The following SEMA3E variants were observed in gnomAD, a reference collection of about 807,000 sequenced individuals.
The protein encoded by SEMA3E is semaphorin 3E, also known as semaphorin-3E.
Under a neutral mutation model 93.6 loss-of-function variants are expected in SEMA3E, and 49 were observed. The ratio of observed to expected loss-of-function variants is 0.52; its 90% CI spans 0.42 to 0.66. The LOEUF is 0.66. Ranked by LOEUF, SEMA3E falls within the 30% of genes least tolerant of loss-of-function variation. SEMA3E has a pLI of 0.00. For synonymous variants in SEMA3E, 363 were observed against 330.7 expected (o/e 1.10, Z -1.06); for missense variants, 906 against 964.8 (o/e 0.94, Z 0.81).
In SEMA3E at chr7:83,531,078, A is replaced by C. The variant is rs1791284808; in HGVS notation, c.116-40804T>G. On this transcript the variant is annotated intron_variant, in intron 1 of 16. Coordinates refer to ENST00000643230, the MANE Select transcript of SEMA3E (RefSeq NM_012431.3). The stretch of plus-strand genomic sequence containing the variant: ...TTAAGAAACAGAATGTAGTATTTGC[A>C]ATAGCATGAAAAGTTTTATCTTAGT... Among the ~76,000 whole-genome samples the C allele has an allele frequency of 1.3e-5, 2 of 152,120 alleles. 1 individual carries two copies. The highest frequency in any genetic ancestry group is 4.1e-4 in the South Asian group (2 of 4,830).
intron 1 of SEMA3E, among the ~76,000 whole-genome samples, chr7:83,550,095 A>G (rs1386356729): frequency 6.6e-6 from 1 of 152,234 alleles, no homozygotes; most frequent in Non-Finnish European, 1.5e-5. Context: ...AATATGTTAA[A>G]GAAACATCGT....
intron 1 of SEMA3E, among the ~76,000 whole-genome samples, chr7:83,565,313 T>C (rs1007569892): frequency 1.8e-4 from 27 of 152,152 alleles, no homozygotes; most frequent in African/African-American, 6.0e-4. Flanking sequence ...AAACACTGCA[T>C]GTTCTCACTC....
intron 1 of SEMA3E, among the ~76,000 whole-genome samples, chr7:83,606,184 A>T (rs1245566262): frequency 6.6e-6 from 1 of 152,208 alleles, no homozygotes; most frequent in Non-Finnish European, 1.5e-5. Flanking sequence ...CAAGCTGCAA[A>T]ATCTTTGTAA....
intron 1 of SEMA3E, among the ~76,000 whole-genome samples, chr7:83,572,468 G>A (rs555460404): frequency 6.6e-6 from 1 of 151,860 alleles, no homozygotes; most frequent in Non-Finnish European, 1.5e-5. Flanking sequence ...GTGAAACCCC[G>A]TCTCTACTAA....
At chr7:83,387,703 A>C (rs1269933576) in intron 14 of SEMA3E, among the ~76,000 whole-genome samples, 1 of 151,298 alleles carries the variant, frequency 6.6e-6, no homozygotes, top group Non-Finnish European at 1.5e-5. Flanking sequence ...TTTCCCCCTC[A>C]ATCTGCCTCG....
intron 2 of SEMA3E, among the ~76,000 whole-genome samples, chr7:83,470,437 G>A (rs1789867927): frequency 2.0e-5 from 3 of 151,996 alleles, no homozygotes; most frequent in African/African-American, 7.2e-5. Flanking sequence ...CAGGCATTGT[G>A]TTTTGAACTT....
At chr7:83,490,915 CAT>C (rs1165775064) in intron 1 of SEMA3E, among the ~76,000 whole-genome samples, 5 of 152,050 alleles carry the variant, frequency 3.3e-5, no homozygotes, top group Admixed American at 6.6e-5. Context: ...GCAAACCTCT[CAT>C]GTGTGTGCAT....
At chr7:83,442,078 C>A (rs1789126275) in intron 4 of SEMA3E, among the ~76,000 whole-genome samples, 1 of 152,020 alleles carries the variant, frequency 6.6e-6, no homozygotes, top group Non-Finnish European at 1.5e-5. Context: ...CATACATAAA[C>A]CTGTAATTAA....
At chr7:83,595,908 A>T (rs1001727131) in intron 1 of SEMA3E, among the ~76,000 whole-genome samples, 5 of 152,094 alleles carry the variant, frequency 3.3e-5, no homozygotes, top group Admixed American at 2.0e-4. Flanking sequence ...ATTTATGACT[A>T]TGAAAATATT....
chr7:83,389,985 G>GTA (rs140354864), intron 14 of SEMA3E, among the ~76,000 whole-genome samples: 9,211 of 32,012 alleles, frequency 0.29, 1,383 homozygotes, highest in Non-Finnish European at 0.51. Context: ...ATATATACGC[G>GTA]TATATGTGTA....
intron 1 of SEMA3E, among the ~76,000 whole-genome samples, chr7:83,548,937 A>G (rs1231527928): frequency 1.3e-5 from 2 of 152,156 alleles, no homozygotes; most frequent in South Asian, 2.1e-4. Context: ...TTTAGAGAAC[A>G]AAATCCAGGA....
intron 4 of SEMA3E, among the ~76,000 whole-genome samples, chr7:83,420,692 TTGAC>T (rs1236037778): frequency 1.3e-5 from 2 of 152,164 alleles, no homozygotes; most frequent in African/African-American, 2.4e-5. Context: ...CATCTGATCT[TTGAC>T]AAAGTTGACA....
intron 1 of SEMA3E, among the ~76,000 whole-genome samples, chr7:83,540,158 C>T (rs1390720002): frequency 6.6e-6 from 1 of 152,300 alleles, no homozygotes; most frequent in East Asian, 1.9e-4. Context: ...GCTGGGATTA[C>T]AGGCATGAGC....
At chr7:83,373,912 A>T (rs1327752310) in intron 16 of SEMA3E, among the ~76,000 whole-genome samples, 1 of 152,174 alleles carries the variant, frequency 6.6e-6, no homozygotes, top group Non-Finnish European at 1.5e-5. Context: ...GTAAGGTTAG[A>T]AACTCAAATT....
At chr7:83,476,090 C>A (rs1790002784) in intron 2 of SEMA3E, among the ~76,000 whole-genome samples, 1 of 152,138 alleles carries the variant, frequency 6.6e-6, no homozygotes, top group Non-Finnish European at 1.5e-5. Context: ...AAGGCAGTGA[C>A]TTATTTCTGT....
chr7:83,582,683 T>A (rs187629707), intron 1 of SEMA3E, among the ~76,000 whole-genome samples: 85 of 152,268 alleles, frequency 5.6e-4, no homozygotes, highest in Admixed American at 3.3e-3. Flanking sequence ...GCCGGAGGAA[T>A]TAAATTGTCC....
intron 1 of SEMA3E, among the ~76,000 whole-genome samples, chr7:83,511,093 C>T (rs1249105886): frequency 6.6e-6 from 1 of 151,912 alleles, no homozygotes; most frequent in Non-Finnish European, 1.5e-5. Flanking sequence ...GTCAACTTTC[C>T]AAATTTTTTG....
chr7:83,451,286 G>A (rs912633205), intron 4 of SEMA3E, among the ~76,000 whole-genome samples: 1 of 151,984 alleles, frequency 6.6e-6, no homozygotes, highest in African/African-American at 2.4e-5. Flanking sequence ...ACTAATACAG[G>A]GGGACTTGCA....
At chr7:83,438,729 CTAAA>C (rs1789052488) in intron 4 of SEMA3E, among the ~76,000 whole-genome samples, 2 of 151,530 alleles carry the variant, frequency 1.3e-5, no homozygotes, top group Admixed American at 6.6e-5. Flanking sequence ...TTTAATATGG[CTAAA>C]TAATTATATA....
Sources: allele counts gnomAD v4.1 joint callset (sites outside exome capture counted in the v4.1 genomes callset), GRCh38; gene constraint gnomAD v4.1.1; transcripts MANE v1.5; gene names NCBI Gene and HGNC (gene_info 2026-07-23, HGNC 2026-07-21).